ADAMTSL1: variants seen among roughly 807,000 people sequenced by gnomAD.
ADAMTSL1 encodes the protein ADAMTS-like protein 1.
ADAMTSL1 carries 126 observed loss-of-function variants against 201.8 expected under a neutral mutation model. The ratio of observed to expected loss-of-function variants is 0.62; its 90% confidence interval spans 0.54 to 0.72. The LOEUF is 0.72. Ranked by LOEUF, ADAMTSL1 falls within the 30% of genes least tolerant of loss-of-function variation. The probability of loss-of-function intolerance (pLI) is 0.00; values close to 1 mark genes in which losing one functional copy is unlikely to be tolerated. For missense variants in ADAMTSL1, 2,679 were observed against 2,277.8 expected, an observed-to-expected ratio of 1.18 and a Z score of -3.59; for synonymous variants, 1,121 against 903.4, an observed-to-expected ratio of 1.24 and a Z score of -4.32.
chr9:18,106,622 C>A (rs568814944), intron 1 of ADAMTSL1, among the ~76,000 whole-genome samples: 1 of 152,214 alleles, frequency 6.6e-6, no homozygotes, highest in Non-Finnish European at 1.5e-5. Context: ...ATCAAAATAA[C>A]AGAGTGTAGA....
intron 3 of ADAMTSL1, among the ~76,000 whole-genome samples, chr9:18,537,217 C>G (rs1819831998): frequency 1.3e-5 from 2 of 152,072 alleles, no homozygotes; most frequent in Non-Finnish European, 2.9e-5. Context: ...AGCATGGAAA[C>G]AAATTATTTA....
chr9:18,580,649 A>C (rs1823037710), intron 4 of ADAMTSL1, among the ~76,000 whole-genome samples: 1 of 152,220 alleles, frequency 6.6e-6, no homozygotes, highest in African/African-American at 2.4e-5. Context: ...TTGATTATTG[A>C]GGATATAAAA....
intron 2 of ADAMTSL1, among the ~76,000 whole-genome samples, chr9:18,341,656 T>C (rs1221074662): frequency 6.6e-6 from 1 of 152,180 alleles, no homozygotes; most frequent in African/African-American, 2.4e-5. Context: ...ATAAACTGAA[T>C]ATTTTTTATT....
chr9:18,009,132 T>C (rs143284020), intron 1 of ADAMTSL1, among the ~76,000 whole-genome samples: 19 of 152,138 alleles, frequency 1.2e-4, no homozygotes, highest in South Asian at 4.1e-4. Flanking sequence ...ATTCAACCAG[T>C]TCTTGCATGC....
intron 23 of ADAMTSL1, among the ~76,000 whole-genome samples, chr9:18,850,146 G>C (rs1826393498): frequency 1.3e-5 from 2 of 152,228 alleles, no homozygotes; most frequent in African/African-American, 4.8e-5. Context: ...AAAGACGCTA[G>C]ATAGGAAATG....
chr9:18,439,994 A>G (rs1167932732), intron 2 of ADAMTSL1, among the ~76,000 whole-genome samples: 2 of 152,274 alleles, frequency 1.3e-5, no homozygotes, highest in African/African-American at 4.8e-5. Flanking sequence ...TCAATTTTAA[A>G]TTTGTACTCA....
chr9:18,356,042 T>C (rs1836206704), intron 2 of ADAMTSL1, among the ~76,000 whole-genome samples: 1 of 152,186 alleles, frequency 6.6e-6, no homozygotes, highest in African/African-American at 2.4e-5. Context: ...CAAGTTCTTG[T>C]CCTGTGCCCA....
intron 1 of ADAMTSL1, among the ~76,000 whole-genome samples, chr9:18,504,032 C>T (rs76347368): frequency 4.0e-5 from 6 of 151,288 alleles, no homozygotes; most frequent in Non-Finnish European, 7.4e-5. Context: ...AATATTACCC[C>T]AATTTGTAAA....
intron 2 of ADAMTSL1, among the ~76,000 whole-genome samples, chr9:18,166,936 T>C (rs10963486): frequency 0.22 from 33,504 of 151,856 alleles, 4,025 homozygotes; most frequent in South Asian, 0.28. Flanking sequence ...GAATTAACTT[T>C]TGCATTGCGT....
intron 1 of ADAMTSL1, among the ~76,000 whole-genome samples, chr9:18,105,138 C>T (rs916766858): frequency 1.3e-5 from 2 of 152,110 alleles, no homozygotes; most frequent in Admixed American, 6.6e-5. Context: ...TGTGTAAATT[C>T]GTACAGGACA....
chr9:18,694,320 C>G (rs1564157018), intron 13 of ADAMTSL1, among the ~76,000 whole-genome samples: 1 of 152,150 alleles, frequency 6.6e-6, no homozygotes, highest in Non-Finnish European at 1.5e-5. Context: ...ATCATCCCTT[C>G]TCAACAATCT....
chr9:18,561,299 C>A (rs538707235), intron 3 of ADAMTSL1, among the ~76,000 whole-genome samples: 2 of 152,318 alleles, frequency 1.3e-5, no homozygotes, highest in East Asian at 3.9e-4. Flanking sequence ...ACCCAGTAGT[C>A]ATTCAGGAGC....
rs781106126 is a variant in ADAMTSL1 at position 18,409,383 on chromosome 9, CAAAA to C, written c.208-95428_208-95425del. On this transcript the variant is annotated intron_variant, in intron 2 of 29. Coordinates refer to the ADAMTSL1 transcript ENST00000680146. ...GGGTGACAAGATTGAAACTCCGTCTCAAAAAAAAAAAAAAAAAAAAAGAAAAAGA... is the reference window on the plus strand; with the variant it reads ...GGGTGACAAGATTGAAACTCCGTCTCAAAAAAAAAAAAAAAAAGAAAAAGA... Among the ~76,000 whole-genome samples, 14 of 77,196 alleles carry C rather than the reference CAAAA, an allele frequency of 1.8e-4. No homozygotes were observed. The East Asian group carries it at 5.5e-3, about 30-fold the overall frequency. 50.6% of individuals were successfully genotyped at this position (77,196 alleles called of 152,430 possible).
chr9:18,416,781 A>G (rs1193305725), intron 2 of ADAMTSL1, among the ~76,000 whole-genome samples: 1 of 152,046 alleles, frequency 6.6e-6, no homozygotes, highest in Non-Finnish European at 1.5e-5. Flanking sequence ...GCTTAAAGCA[A>G]AATCTGGGTA....
chr9:18,054,690 C>T (rs1822094288), intron 1 of ADAMTSL1, among the ~76,000 whole-genome samples: 1 of 152,196 alleles, frequency 6.6e-6, no homozygotes, highest in African/African-American at 2.4e-5. Context: ...CATGGTCCTT[C>T]AGCTAATAAA....
At position 18,876,333 on chromosome 9, in the gene ADAMTSL1, T is replaced by TGTGC. The variant is rs1340134785; in HGVS notation, c.4250-11497_4250-11496insTGCG. Reference sequence around the variant, plus strand: ...GTGTGTGTGTGTGTGTGTGTGTGCGTGATTGTTTTATAGGTTCTGTGAGAT... The same window carrying TGTGC: ...GTGTGTGTGTGTGTGTGTGTGTGCGTGTGCGATTGTTTTATAGGTTCTGTGAGAT... On this transcript the variant is annotated intron_variant, in intron 23 of 28. Coordinates refer to ENST00000380548, the MANE Select transcript of ADAMTSL1 (RefSeq NM_001040272.6). Among the ~76,000 whole-genome samples, 4 of 151,592 alleles carry TGTGC rather than the reference T, an allele frequency of 2.6e-5. No homozygotes were observed. The East Asian group carries it at 7.8e-4, about 29-fold the overall frequency.
chr9:18,841,789 T>C (rs560361838), intron 23 of ADAMTSL1, among the ~76,000 whole-genome samples: 296 of 152,344 alleles, frequency 1.9e-3, no homozygotes, highest in Admixed American at 4.4e-3. Context: ...TCGAGGAATT[T>C]ATCCATTTCT....
intron 1 of ADAMTSL1, among the ~76,000 whole-genome samples, chr9:18,127,008 CTG>C (rs1279686363): frequency 6.6e-6 from 1 of 152,214 alleles, no homozygotes; most frequent in Admixed American, 6.5e-5. Flanking sequence ...ATCTTCCAAA[CTG>C]TGTGTCCGTC....
intron 13 of ADAMTSL1, among the ~76,000 whole-genome samples, chr9:18,694,981 CTA>C (rs374644713): frequency 6.6e-6 from 1 of 152,352 alleles, no homozygotes; most frequent in East Asian, 1.9e-4. Context: ...AGGCTTAACA[CTA>C]TGTGGAAGCC....
Sources: allele counts gnomAD v4.1 joint callset (sites outside exome capture counted in the v4.1 genomes callset), GRCh38; gene constraint gnomAD v4.1.1; transcripts MANE v1.5; gene names NCBI Gene and HGNC (gene_info 2026-07-23, HGNC 2026-07-21).